PARP8: variants seen among roughly 807,000 people sequenced by gnomAD.
PARP8 encodes poly(ADP-ribose) polymerase family member 8.
In PARP8, 51 loss-of-function variants were observed where a neutral mutation model predicts 124.1. That is an observed-to-expected ratio of 0.41 (90% CI 0.33 to 0.52). The LOEUF is 0.52. Among genes scored for constraint, PARP8 ranks in the 20% least tolerant of loss-of-function variants. The probability of loss-of-function intolerance (pLI) is 0.21; values close to 1 mark genes in which losing one functional copy is unlikely to be tolerated. For missense variants in PARP8, 860 were observed against 1,018.9 expected (o/e 0.84, Z 2.12); for synonymous variants, 391 against 361.5 (o/e 1.08, Z -0.93).
At chr5:50,721,902 T>G (rs1755928123) in intron 2 of PARP8, among the ~76,000 whole-genome samples, 1 of 152,104 alleles carries the variant, frequency 6.6e-6, no homozygotes, top group African/African-American at 2.4e-5. Context: ...GTAATTCTTA[T>G]AAGATACTCT....
At chr5:50,688,648 A>G (rs1752138049) in intron 2 of PARP8, among the ~76,000 whole-genome samples, 1 of 152,238 alleles carries the variant, frequency 6.6e-6, no homozygotes, top group African/African-American at 2.4e-5. Context: ...TCAAAGTCAG[A>G]TAATTCTCAT....
intron 17 of PARP8, among the ~76,000 whole-genome samples, chr5:50,823,270 G>A (rs1160903254): frequency 6.6e-6 from 1 of 151,836 alleles, no homozygotes; most frequent in Non-Finnish European, 1.5e-5. Context: ...CAGAGTTATC[G>A]CTACTGCTCT....
chr5:50,730,045 G>T (rs1399084103), intron 2 of PARP8, among the ~76,000 whole-genome samples: 1 of 152,134 alleles, frequency 6.6e-6, no homozygotes, highest in African/African-American at 2.4e-5. Flanking sequence ...TAAGATATTA[G>T]AAAGTGTTTT....
chr5:50,794,241 CAG>C lies in PARP8; in HGVS notation c.775_776del (p.Ser259GlnfsTer10). 6.2e-7 allele frequency: 1 copy of C among 1,613,200 alleles called. No homozygotes were observed. ...MQTFVTQQWK[Q>X]SKEKSNCLHN... The stretch of plus-strand genomic sequence containing the variant: ...GACATTTGTTACACAGCAGTGGAAA[CAG>C]AGCAAAGAAAAATCCAATTGCCTGC... On this transcript the variant is annotated frameshift_variant, in exon 11 of 26. Coordinates refer to ENST00000281631, the MANE Select transcript of PARP8 (RefSeq NM_024615.4). LOFTEE classifies it high-confidence loss of function.
intron 3 of PARP8, among the ~76,000 whole-genome samples, chr5:50,752,918 A>T (rs1482041126): frequency 2.0e-5 from 3 of 152,040 alleles, no homozygotes; most frequent in African/African-American, 7.2e-5. Flanking sequence ...TATAATTGTG[A>T]TCTATTAATT....
At chr5:50,789,479 A>C (rs1246332259) in intron 10 of PARP8, among the ~76,000 whole-genome samples, 1 of 150,924 alleles carries the variant, frequency 6.6e-6, no homozygotes, top group African/African-American at 2.4e-5. Context: ...TTCCCTGAAG[A>C]AAATAATGAT....
intron 21 of PARP8, 45 bp downstream of exon 21, chr5:50,828,429 A>G (rs1205292164): frequency 1.3e-6 from 2 of 1,539,458 alleles, no homozygotes; most frequent in Non-Finnish European, 1.8e-6. Flanking sequence ...CTTCTTCAGA[A>G]TTGAGATTCA....
intron 7 of PARP8, among the ~76,000 whole-genome samples, chr5:50,768,587 G>C (rs534390163): frequency 6.6e-6 from 1 of 152,220 alleles, no homozygotes; most frequent in South Asian, 2.1e-4. Context: ...TTTTCACAGT[G>C]AATAAATATA....
chr5:50,841,075 GGAAAAGATAGTGGCTAGTATTAATCTTT>G (rs1748128079), intron 25 of PARP8, among the ~76,000 whole-genome samples: 1 of 151,746 alleles, frequency 6.6e-6, no homozygotes, highest in South Asian at 2.1e-4. Flanking sequence ...TGCTATTTCA[GGAAAAGATAGTGGCTAGTATTAATCTTT>G]GAGATGCTGT....
At position 50,822,450 on chromosome 5, in the gene PARP8, G is replaced by C. The variant is rs764980874; in HGVS notation, c.1860+50G>C. 2.8e-6 allele frequency: 4 copies of C among 1,404,830 alleles called. No individual in the cohort carries two copies. In the Admixed American group the frequency reaches 5.6e-5, roughly 20 times the overall value. 87.0% of individuals were successfully genotyped at this position (1,404,830 alleles called of 1,614,324 possible). On this transcript the variant is annotated intron_variant, in intron 17 of 25. Coordinates refer to ENST00000281631, the MANE Select transcript of PARP8 (RefSeq NM_024615.4). ...CAGTATATTTTTAAAATGTCTGAGAGTTCTAGCTATGTAGTGAAATGTAGA... is the reference window on the plus strand; with the variant it reads ...CAGTATATTTTTAAAATGTCTGAGACTTCTAGCTATGTAGTGAAATGTAGA...
At chr5:50,817,296 T>A (rs1745209561) in intron 15 of PARP8, among the ~76,000 whole-genome samples, 1 of 152,224 alleles carries the variant, frequency 6.6e-6, no homozygotes, top group African/African-American at 2.4e-5. Flanking sequence ...AGTGATGTAA[T>A]TCTAAAAATC....
At chr5:50,772,799 C>T (rs1454336057) in intron 7 of PARP8, among the ~76,000 whole-genome samples, 5 of 152,086 alleles carry the variant, frequency 3.3e-5, no homozygotes, top group African/African-American at 4.8e-5. Context: ...TGGGTTCAAG[C>T]GATTATCATG....
intron 14 of PARP8, among the ~76,000 whole-genome samples, chr5:50,798,415 A>AT (rs201837670): frequency 0.02 from 2,839 of 142,838 alleles, 45 homozygotes; most frequent in Middle Eastern, 0.042. Flanking sequence ...AGCGGTTTCT[A>AT]TTTTTTTTGT....
chr5:50,770,638 A>C (rs1157248708), intron 7 of PARP8, among the ~76,000 whole-genome samples: 1 of 151,662 alleles, frequency 6.6e-6, no homozygotes, highest in Non-Finnish European at 1.5e-5. Flanking sequence ...GGAGGGAGGG[A>C]GTAAGGAAGG....
At chr5:50,790,372 C>A (rs1289706857) in intron 10 of PARP8, among the ~76,000 whole-genome samples, 1 of 152,014 alleles carries the variant, frequency 6.6e-6, no homozygotes, top group Non-Finnish European at 1.5e-5. Flanking sequence ...GTGCCCATAT[C>A]CTGCGTGTCT....
At chr5:50,720,772 A>G (rs1431914726) in intron 2 of PARP8, among the ~76,000 whole-genome samples, 3 of 152,026 alleles carry the variant, frequency 2.0e-5, no homozygotes, top group Admixed American at 6.6e-5. Context: ...CTGCTTTTCC[A>G]TGAAATACAC....
chr5:50,719,451 A>G (rs957340726), intron 2 of PARP8, among the ~76,000 whole-genome samples: 1 of 152,044 alleles, frequency 6.6e-6, no homozygotes, highest in Non-Finnish European at 1.5e-5. Flanking sequence ...GTAGTTTCAT[A>G]GTTTCAGGTC....
At position 50,754,154 on chromosome 5, in the gene PARP8, C is replaced by CATAT. The variant is rs1166380983; in HGVS notation, c.184+3967_184+3968insTATA. 6.1e-3 allele frequency among the ~76,000 whole-genome samples: 253 copies of CATAT among 41,338 alleles called. 3 individuals carry two copies. The highest frequency in any genetic ancestry group is 0.018 in the African/African-American group (198 of 10,828). The allele number at this position is 41,338 out of a possible 152,430, so 27.1% of individuals were successfully genotyped here. Reference sequence around the variant, plus strand: ...ATATATATATATATATATATATACACACACACACACACACACACACACACA... The same window carrying CATAT: ...ATATATATATATATATATATATACACATATACACACACACACACACACACACACA... On this transcript the variant is annotated intron_variant, in intron 3 of 25. Transcript: ENST00000281631.
chr5:50,828,481 G>C (rs1373798755), intron 21 of PARP8, 97 bp downstream of exon 21: 1 of 1,055,526 alleles, frequency 9.5e-7, no homozygotes, highest in South Asian at 1.4e-5. Context: ...AAAAGAGGAA[G>C]CATGTGAGTA....
Sources: gnomAD v4.1 joint callset for allele counts (sites outside exome capture counted in the v4.1 genomes callset) on GRCh38, gnomAD v4.1.1 for gene constraint, MANE v1.5 for transcripts, NCBI Gene and HGNC (gene_info 2026-07-23, HGNC 2026-07-21) for gene names.